CEACAM16: variants seen among roughly 807,000 people sequenced by gnomAD.
CEACAM16 encodes the protein CEA cell adhesion molecule 16, tectorial membrane component, also known as cell adhesion molecule CEACAM16.
A neutral mutation model predicts 39.4 loss-of-function variants in CEACAM16; 30 were observed. The observed-to-expected ratio is 0.76, with a 90% CI of 0.57 to 1.03. CEACAM16 has a LOEUF of 1.03. Among genes scored for constraint, CEACAM16 ranks in the 50% least tolerant of loss-of-function variants. The pLI, the probability that CEACAM16 is intolerant of heterozygous loss-of-function variation, is 0.00. For missense variants in CEACAM16, 521 were observed against 585.3 expected (o/e 0.89, Z 1.13); for synonymous variants, 262 against 264.9 (o/e 0.99, Z 0.11).
chr19:44,699,237 A>C lies in CEACAM16; in HGVS notation c.-120A>C. On this transcript the variant is annotated 5_prime_UTR_variant, in exon 1 of 7. Transcript: ENST00000587331. ...CAATAAGTGAATGAGTGATTTACTG[A>C]GCATTTACTCTGCGCCAGTCGTGGT... is the stretch of plus-strand genomic sequence containing the variant. 1.9e-6 allele frequency: 1 copy of C among 534,234 alleles called. No homozygotes were observed. Among genetic ancestry groups the C allele is most frequent in the South Asian group, 1.4e-5 (1 of 71,426 alleles). The allele number at this position is 534,234 out of a possible 1,614,324, so 33.1% of individuals were successfully genotyped here.
At chr19:44,703,760 T>G in intron 3 of CEACAM16, 67 bp downstream of exon 3, 2 of 1,216,160 alleles carry the variant, frequency 1.6e-6, no homozygotes, top group Non-Finnish European at 2.2e-6. Flanking sequence ...CAATCCTTCT[T>G]TTTTTTAAAA....
At chr19:44,709,835 G>C (rs1389224501) in intron 6 of CEACAM16, among the ~76,000 whole-genome samples, 1 of 149,952 alleles carries the variant, frequency 6.7e-6, no homozygotes, top group Non-Finnish European at 1.5e-5. Context: ...CAGACTGGGA[G>C]CTCCCAGAGT....
chr19:44,706,297 C>CACACACACACACACACACACACACAT (rs1441436923), intron 5 of CEACAM16, among the ~76,000 whole-genome samples: 3 of 125,080 alleles, frequency 2.4e-5, no homozygotes, highest in Non-Finnish European at 5.1e-5. Context: ...CACACACACA[C>CACACACACACACACACACACACACAT]ACACACACAC....
intron 5 of CEACAM16, among the ~76,000 whole-genome samples, chr19:44,706,269 T>TACACACAC (rs57354088): frequency 0.017 from 2,189 of 132,624 alleles, 35 homozygotes; most frequent in South Asian, 0.038. Context: ...ATGATGGGTA[T>TACACACAC]ACACACACAC....
In CEACAM16 at chr19:44,707,583, C is replaced by CA. The variant is rs537862670; in HGVS notation, c.941-277dup. Among the ~76,000 whole-genome samples, 9 of 152,336 alleles carry CA rather than the reference C, an allele frequency of 5.9e-5. No individual in the cohort carries two copies. In the South Asian group the frequency reaches 1.9e-3, roughly 32 times the overall value. On this transcript the variant is annotated intron_variant, in intron 5 of 6. Coordinates refer to ENST00000587331, the MANE Select transcript of CEACAM16 (RefSeq NM_001039213.4). ...GGAATTTCCAATCTGATGGAGGAGA[C>CA]ATGACCCAAGCCTCTAGGGTCTTCC...
In CEACAM16 at chr19:44,704,118, G is replaced by A. The variant is rs745830418; in HGVS notation, c.483G>A (p.Glu161=). ...GCAGCAGCCCCAGCCCCACCGCCGA[G>A]GTCCGCTGGTTCTTCAACGGTGGGG... ...LMCSSPSPTA[E]VRWFFNGGAL... is the part of the protein sequence containing the mutation. Residue 161 remains glutamate (E), a synonymous_variant, in exon 4 of 7, where the codon GAG becomes GAA. Transcript: ENST00000587331. 4 of 1,600,082 alleles carry A rather than the reference G, an allele frequency of 2.5e-6. No individual in the cohort carries two copies. The highest frequency in any genetic ancestry group is 1.9e-4 in the Middle Eastern group (1 of 5,366).
intron 2 of CEACAM16, 62 bp from the exon 3 acceptor site, chr19:44,703,286 TC>T: frequency 6.8e-7 from 1 of 1,460,800 alleles, no homozygotes; most frequent in Non-Finnish European, 9.3e-7. Context: ...AGTCTCTTCT[TC>T]TGTCAAATGG....
chr19:44,702,015 G>C (rs945447037), intron 2 of CEACAM16, among the ~76,000 whole-genome samples: 1 of 152,030 alleles, frequency 6.6e-6, no homozygotes, highest in Non-Finnish European at 1.5e-5. Context: ...ATGAGGGGCC[G>C]GGCAAGGTGG....
Position 44,701,281 on chromosome 19 carries a change from C to T in CEACAM16, c.-96-80C>T. 4.0e-6 allele frequency: 3 copies of T among 746,136 alleles called. No homozygotes were observed. The East Asian group carries it at 8.0e-5, about 20-fold the overall frequency. 46.2% of individuals were successfully genotyped at this position (746,136 alleles called of 1,614,324 possible). A position where few individuals can be genotyped will look rare whatever the true frequency, so the allele number is the denominator to read the frequency against. ...CGCCACACCCACCCTGGTACCCAAA[C>T]CGGGCCCCAGATCCTTGGTGACTCG... is the stretch of plus-strand genomic sequence containing the variant. On this transcript the variant is annotated intron_variant, in intron 1 of 6. Coordinates refer to ENST00000587331, the MANE Select transcript of CEACAM16 (RefSeq NM_001039213.4). This position sits in a 1 kb window ranked among gnomAD's most constrained non-coding sequence, Gnocchi z 4.0.
Position 44,704,000 on chromosome 19 carries a change from T to A in CEACAM16, c.383-18T>A. 1 of 1,566,404 alleles carries A rather than the reference T, an allele frequency of 6.4e-7. No homozygotes were observed. Among genetic ancestry groups the A allele is most frequent in the Non-Finnish European group, 8.7e-7 (1 of 1,150,292 alleles). On this transcript the variant is annotated intron_variant, in intron 3 of 6. Coordinates refer to ENST00000587331, the MANE Select transcript of CEACAM16 (RefSeq NM_001039213.4). ...GGTGGTGTCCGGCCCCCTCCCCCTCTGTCTCTTGCCCCCACAGAGATCCTG... is the reference window on the plus strand; with the variant it reads ...GGTGGTGTCCGGCCCCCTCCCCCTCAGTCTCTTGCCCCCACAGAGATCCTG...
At position 44,705,855 on chromosome 19, in the gene CEACAM16, G is replaced by A. The variant is rs777863741; in HGVS notation, c.927G>A (p.Val309=). The A allele has an allele frequency of 8.7e-6, 14 of 1,611,628 alleles. No homozygotes were observed. The highest frequency in any genetic ancestry group is 1.0e-5 in the Non-Finnish European group (12 of 1,177,982). Residue 309 remains valine (V), a synonymous_variant, in exon 5 of 7, where the codon GTG becomes GTA. Coordinates refer to ENST00000587331, the MANE Select transcript of CEACAM16 (RefSeq NM_001039213.4). ...KTLLSGSASV[V]VKLSAAAVAT... ...TGCTATCTGGATCTGCCTCAGTCGT[G>A]GTCAAGCTCTCTGGTGAGTCACCCC...
intron 4 of CEACAM16, among the ~76,000 whole-genome samples, chr19:44,705,186 G>A (rs1974422222): frequency 6.6e-6 from 1 of 151,962 alleles, no homozygotes; most frequent in South Asian, 2.1e-4. Flanking sequence ...TGAAATCTTA[G>A]TCTAGAATCT....
intron 4 of CEACAM16, among the ~76,000 whole-genome samples, chr19:44,704,854 C>A (rs944351804): frequency 6.6e-6 from 1 of 152,000 alleles, no homozygotes; most frequent in Non-Finnish European, 1.5e-5. Flanking sequence ...CAGTTAGGAG[C>A]AATATCTACA....
At chr19:44,710,421 G>A (rs1974518672) in intron 6 of CEACAM16, 75 bp from the exon 7 acceptor site, 1 of 1,544,194 alleles carries the variant, frequency 6.5e-7, no homozygotes, top group African/African-American at 1.4e-5. Context: ...GAGCAGAAGG[G>A]GTGGGGGCAC....
At position 44,701,353 on chromosome 19, in the gene CEACAM16, C is replaced by G. The variant is rs189900455; in HGVS notation, c.-96-8C>G. 7.4e-4 allele frequency: 939 copies of G among 1,260,876 alleles called. 6 individuals are homozygous for G. The African/African-American group carries it at 0.012, about 17-fold the overall frequency. The allele number at this position is 1,260,876 out of a possible 1,614,324, so 78.1% of individuals were successfully genotyped here. ...CTCCCCTGGCTCCAAATCACCAAACCCTCCCAGGTCCTGCGGCAGACGGAG... is the reference window on the plus strand; with the variant it reads ...CTCCCCTGGCTCCAAATCACCAAACGCTCCCAGGTCCTGCGGCAGACGGAG... On this transcript the variant is annotated splice_polypyrimidine_tract_variant and splice_region_variant and intron_variant, in intron 1 of 6. Coordinates refer to ENST00000587331, the MANE Select transcript of CEACAM16 (RefSeq NM_001039213.4). This position sits in a 1 kb window ranked among gnomAD's most constrained non-coding sequence, Gnocchi z 4.0.
chr19:44,708,579 T>A (rs1974488592), intron 6 of CEACAM16, among the ~76,000 whole-genome samples: 1 of 152,088 alleles, frequency 6.6e-6, no homozygotes, highest in Non-Finnish European at 1.5e-5. Flanking sequence ...ATTGGGGTAA[T>A]GGGTTAATTA....
intron 4 of CEACAM16, among the ~76,000 whole-genome samples, 194 bp from the exon 5 acceptor site, chr19:44,705,395 GA>G (rs1974426252): frequency 6.6e-6 from 1 of 152,146 alleles, no homozygotes; most frequent in Non-Finnish European, 1.5e-5. Context: ...TTACAGGAGA[GA>G]AAGGTGAGAT....
chr19:44,703,705 C>A lies in CEACAM16; in HGVS notation c.382+12C>A. The A allele has an allele frequency of 6.7e-7, 1 of 1,485,588 alleles. No homozygotes were observed. The highest frequency in any genetic ancestry group is 9.0e-7 in the Non-Finnish European group (1 of 1,110,252). The allele number at this position is 1,485,588 out of a possible 1,614,324, so 92.0% of individuals were successfully genotyped here. On this transcript the variant is annotated intron_variant, in intron 3 of 6. Transcript: ENST00000587331. Reference sequence around the variant, plus strand: ...CGTGCAGGTCCATGGTGAGACACCCCCCAACACCCGCCTCTGCCCCAGCTG... The same window carrying A: ...CGTGCAGGTCCATGGTGAGACACCCACCAACACCCGCCTCTGCCCCAGCTG...
chr19:44,708,078 C>T lies in CEACAM16; in HGVS notation c.1158C>T (p.Cys386=). The change falls in exon 6 of 7, where the codon TGC becomes TGT. Residue 386 remains cysteine, a synonymous_variant. Transcript: ENST00000587331. ...GCCGGGAGGTGGGCTTCCCCAACTGCTCGCTGTTGGTGCAGAAGCTGAACC... is the reference window on the plus strand; with the variant it reads ...GCCGGGAGGTGGGCTTCCCCAACTGTTCGCTGTTGGTGCAGAAGCTGAACC... ...HTGREVGFPN[C]SLLVQKLNLT... 1.9e-6 allele frequency: 3 copies of T among 1,612,512 alleles called. No individual in the cohort carries two copies. Among genetic ancestry groups the T allele is most frequent in the Non-Finnish European group, 2.5e-6 (3 of 1,179,452 alleles).
Sources: gnomAD v4.1 joint callset for allele counts (sites outside exome capture counted in the v4.1 genomes callset) on GRCh38, gnomAD v4.1.1 for gene constraint, Gnocchi (gnomAD v3.1) non-coding constraint, MANE v1.5 for transcripts, NCBI Gene and HGNC (gene_info 2026-07-23, HGNC 2026-07-21) for gene names.